Variants in ASAH2 observed in about 807,000 individuals in gnomAD.
ASAH2 encodes neutral ceramidase.
ASAH2 carries 58 observed loss-of-function variants against 82.9 expected under a neutral mutation model. The observed-to-expected ratio is 0.70, with a 90% confidence interval of 0.57 to 0.87. The LOEUF (loss-of-function observed/expected upper bound fraction) is 0.87. Among genes scored for constraint, ASAH2 ranks in the 40% least tolerant of loss-of-function variants. The probability of loss-of-function intolerance (pLI) is 0.00; values close to 1 mark genes in which losing one functional copy is unlikely to be tolerated. For synonymous variants in ASAH2, 276 were observed against 289.7 expected (o/e 0.95, Z 0.48); for missense variants, 779 against 834.0 (o/e 0.93, Z 0.81).
At chr10:50,205,041 A>G in intron 13 of ASAH2, 86 bp from the exon 14 acceptor site, 1 of 893,634 alleles carries the variant, frequency 1.1e-6, no homozygotes, top group East Asian at 2.6e-5. Context: ...AATTTCCTCT[A>G]GTTTCTAATT....
intron 18 of ASAH2, among the ~76,000 whole-genome samples, chr10:50,196,479 G>A (rs1229114022): frequency 2.0e-5 from 3 of 149,166 alleles, no homozygotes; most frequent in African/African-American, 7.5e-5. Flanking sequence ...CTTCATTTCT[G>A]TATGTTTTTC....
chr10:50,210,932 A>G, intron 11 of ASAH2, 28 bp from the exon 12 acceptor site: 2 of 1,610,292 alleles, frequency 1.2e-6, no homozygotes, highest in East Asian at 2.2e-5. Flanking sequence ...AAAACAAAAC[A>G]AAAATGAAAA....
chr10:50,248,900 T>C (rs894953829), intron 1 of ASAH2, among the ~76,000 whole-genome samples: 5 of 152,316 alleles, frequency 3.3e-5, no homozygotes, highest in Middle Eastern at 3.4e-3. Flanking sequence ...TGATTTAGCA[T>C]TGGCCACTGA....
At position 50,204,902 on chromosome 10, in the gene ASAH2, G is replaced by T; in HGVS notation, c.1584C>A (p.Thr528=). 1.9e-6 allele frequency: 3 copies of T among 1,611,732 alleles called. No individual in the cohort carries two copies. The highest frequency in any genetic ancestry group is 2.5e-6 in the Non-Finnish European group (3 of 1,178,818). The change falls in exon 14 of 21, where the codon ACC becomes ACA. Residue 528 remains threonine, a synonymous_variant. Transcript: ENST00000682911. ...TGGCAGTTATGGCCAAGGACCCAAG[G>T]GTAATAATCTGAACATCAACAATGT... ...HPDIVDVQII[T]LGSLAITAIP... is the part of the protein sequence containing the mutation.
intron 12 of ASAH2, among the ~76,000 whole-genome samples, chr10:50,208,737 C>A (rs1845376610): frequency 6.6e-6 from 1 of 152,106 alleles, no homozygotes; most frequent in South Asian, 2.1e-4. Flanking sequence ...AATACTCCCC[C>A]AAATTAATCT....
intron 3 of ASAH2, among the ~76,000 whole-genome samples, chr10:50,244,608 A>G (rs1225194700): frequency 1.3e-5 from 2 of 152,234 alleles, no homozygotes; most frequent in Admixed American, 6.5e-5. Context: ...CTAGCAGTCA[A>G]TAGGGCCATA....
At chr10:50,224,465 T>C (rs908902402) in intron 7 of ASAH2, among the ~76,000 whole-genome samples, 104 of 152,318 alleles carry the variant, frequency 6.8e-4, no homozygotes, top group Middle Eastern at 3.4e-3. Flanking sequence ...GCAACACATG[T>C]ATATTCAACC....
chr10:50,202,711 G>A, intron 16 of ASAH2, 118 bp downstream of exon 16: 1 of 783,836 alleles, frequency 1.3e-6, no homozygotes, highest in Non-Finnish European at 2.3e-6. Context: ...TGTTATACCT[G>A]AAACATAATC....
At chr10:50,237,569 T>C (rs1846192315) in intron 4 of ASAH2, among the ~76,000 whole-genome samples, 1 of 152,204 alleles carries the variant, frequency 6.6e-6, no homozygotes. Context: ...AGGCGATTTG[T>C]TGTACAGCAA....
At chr10:50,242,029 G>A (rs12258643) in intron 4 of ASAH2, among the ~76,000 whole-genome samples, 35,746 of 151,880 alleles carry the variant, frequency 0.24, 6,767 homozygotes, top group African/African-American at 0.51. Flanking sequence ...AGAACTTAAA[G>A]TATAATAAAA....
intron 7 of ASAH2, among the ~76,000 whole-genome samples, chr10:50,228,395 G>A (rs1406335081): frequency 6.6e-6 from 1 of 151,942 alleles, no homozygotes; most frequent in African/African-American, 2.4e-5. Flanking sequence ...AAACCATAGA[G>A]AATAAACAGT....
chr10:50,208,126 A>G (rs1845353546), intron 12 of ASAH2, among the ~76,000 whole-genome samples: 1 of 152,008 alleles, frequency 6.6e-6, no homozygotes, highest in Non-Finnish European at 1.5e-5. Context: ...TATGATAATA[A>G]CACTCAACAA....
Position 50,214,888 on chromosome 10 carries a change from G to C in ASAH2, c.1015-20C>G. 1 of 1,613,030 alleles carries C rather than the reference G, an allele frequency of 6.2e-7. No individual in the cohort carries two copies. Among genetic ancestry groups the C allele is most frequent in the South Asian group, 1.1e-5 (1 of 90,912 alleles). On this transcript the variant is annotated intron_variant, in intron 8 of 20. Transcript: ENST00000682911. ...TGGCCCCTGCCAAAAGAAATGCCAA[G>C]TTGCCTTTTATTCTTTCCTATTTCC...
At chr10:50,223,071 T>TG (rs1845788109) in intron 7 of ASAH2, among the ~76,000 whole-genome samples, 1 of 152,168 alleles carries the variant, frequency 6.6e-6, no homozygotes, top group Non-Finnish European at 1.5e-5. Flanking sequence ...GTCAAGAGAT[T>TG]GGGGACCTTA....
chr10:50,248,730 G>T, intron 1 of ASAH2, 84 bp from the exon 2 acceptor site: 3 of 1,066,228 alleles, frequency 2.8e-6, no homozygotes, highest in Non-Finnish European at 2.7e-6. Context: ...CATATTAATA[G>T]ACTATACCAA....
intron 4 of ASAH2, among the ~76,000 whole-genome samples, chr10:50,240,107 C>T (rs896638602): frequency 4.6e-5 from 7 of 152,050 alleles, no homozygotes; most frequent in Non-Finnish European, 5.9e-5. Context: ...GGATTACAGA[C>T]GTGAGCCACC....
intron 2 of ASAH2, among the ~76,000 whole-genome samples, chr10:50,247,381 T>G (rs1402933320): frequency 6.6e-6 from 1 of 151,754 alleles, no homozygotes; most frequent in Non-Finnish European, 1.5e-5. Flanking sequence ...GCCAGGCTGG[T>G]CTCAAACTCT....
At chr10:50,201,125 G>T (rs1489859707) in intron 16 of ASAH2, among the ~76,000 whole-genome samples, 1 of 151,896 alleles carries the variant, frequency 6.6e-6, no homozygotes, top group Non-Finnish European at 1.5e-5. Context: ...TTGGCCACTG[G>T]ACAGCCAAAC....
At chr10:50,245,576 T>C (rs1846434417) in intron 2 of ASAH2, 122 bp from the exon 3 acceptor site, 1 of 849,266 alleles carries the variant, frequency 1.2e-6, no homozygotes, top group Non-Finnish European at 1.8e-6. Flanking sequence ...TTCTTATACA[T>C]AAAAATATAT....
Sources: allele counts gnomAD v4.1 joint callset (sites outside exome capture counted in the v4.1 genomes callset), GRCh38; gene constraint gnomAD v4.1.1; transcripts MANE v1.5; gene names NCBI Gene and HGNC (gene_info 2026-07-23, HGNC 2026-07-21).